The following MGAT4C variants were observed in gnomAD, a reference collection of about 807,000 sequenced individuals.
MGAT4C encodes the protein MGAT4 family member C, also known as alpha-1,3-mannosyl-glycoprotein 4-beta-N-acetylglucosaminyltransferase C.
Under a neutral mutation model 40.1 loss-of-function variants are expected in MGAT4C, and 19 were observed. The ratio of observed to expected loss-of-function variants is 0.47; its 90% CI spans 0.33 to 0.70. MGAT4C has a LOEUF of 0.70. MGAT4C is among the 30% of genes least tolerant of loss of function. The probability of loss-of-function intolerance (pLI) is 0.02; values close to 1 mark genes in which losing one functional copy is unlikely to be tolerated. For missense variants in MGAT4C, 491 were observed against 563.2 expected (o/e 0.87, Z 1.30); for synonymous variants, 181 against 187.1 (o/e 0.97, Z 0.27).
chr12:86,181,634 C>T (rs1888134489), intron 1 of MGAT4C, among the ~76,000 whole-genome samples: 1 of 152,092 alleles, frequency 6.6e-6, no homozygotes, highest in South Asian at 2.1e-4. Context: ...CTATCATGAA[C>T]TTCCATTATG....
At chr12:86,619,458 C>T (rs190237762) in intron 2 of MGAT4C, among the ~76,000 whole-genome samples, 3 of 152,162 alleles carry the variant, frequency 2.0e-5, no homozygotes, top group Admixed American at 2.0e-4. Flanking sequence ...AATTCTGATT[C>T]TCTCCCTCTT....
chr12:86,338,068 T>C (rs768014425), intron 3 of MGAT4C, among the ~76,000 whole-genome samples: 2 of 152,136 alleles, frequency 1.3e-5, no homozygotes, highest in Non-Finnish European at 2.9e-5. Flanking sequence ...GACAGGGGAA[T>C]TGCAATAAAG....
intron 1 of MGAT4C, among the ~76,000 whole-genome samples, chr12:86,750,103 GAA>G (rs370985297): frequency 3.9e-5 from 6 of 151,954 alleles, no homozygotes; most frequent in African/African-American, 1.2e-4. Context: ...AGATTCTTGA[GAA>G]GAGTCTATTA....
At chr12:86,799,508 T>A (rs1952187865) in intron 1 of MGAT4C, among the ~76,000 whole-genome samples, 1 of 151,854 alleles carries the variant, frequency 6.6e-6, no homozygotes, top group African/African-American at 2.4e-5. Flanking sequence ...AAGCTATCAT[T>A]ATGTCAATTT....
intron 2 of MGAT4C, among the ~76,000 whole-genome samples, chr12:86,610,807 A>T (rs1962229160): frequency 6.7e-6 from 1 of 149,310 alleles, no homozygotes; most frequent in South Asian, 2.2e-4. Flanking sequence ...ATACCTGTAA[A>T]AGTAAATGAG....
chr12:86,838,481 T>C (rs1343790866), intron 1 of MGAT4C, among the ~76,000 whole-genome samples: 5 of 152,168 alleles, frequency 3.3e-5, no homozygotes, highest in Non-Finnish European at 7.3e-5. Context: ...TCAAACTATA[T>C]TCTACTAATC....
chr12:86,281,286 G>A (rs1190513606), intron 4 of MGAT4C, among the ~76,000 whole-genome samples: 1 of 151,806 alleles, frequency 6.6e-6, no homozygotes, highest in African/African-American at 2.4e-5. Context: ...AAGCCTCTGT[G>A]CAATTGTTGT....
chr12:86,258,015 A>G (rs1368248689), upstream of MGAT4C, among the ~76,000 whole-genome samples: 8 of 44,532 alleles, frequency 1.8e-4, no homozygotes, highest in Non-Finnish European at 1.9e-4. Flanking sequence ...TTACATAAAT[A>G]TAAGATAATT....
chr12:86,455,504 ATAATT>A (rs1957494223), intron 2 of MGAT4C, among the ~76,000 whole-genome samples: 1 of 152,136 alleles, frequency 6.6e-6, no homozygotes, highest in Non-Finnish European at 1.5e-5. Flanking sequence ...GAAATTAAAA[ATAATT>A]TAAAAAGGAA....
chr12:86,233,847 A>C (rs1056714597), intron 1 of MGAT4C, among the ~76,000 whole-genome samples: 3 of 152,090 alleles, frequency 2.0e-5, no homozygotes, highest in Non-Finnish European at 2.9e-5. Context: ...TCTTCTTATC[A>C]AAATCAGTTA....
chr12:86,471,859 G>A (rs963290046), intron 2 of MGAT4C, among the ~76,000 whole-genome samples: 1 of 151,910 alleles, frequency 6.6e-6, no homozygotes, highest in Non-Finnish European at 1.5e-5. Flanking sequence ...CCATGGAAGT[G>A]GATTTTTCCA....
chr12:86,835,848 C>G (rs982002812), intron 1 of MGAT4C, among the ~76,000 whole-genome samples: 1 of 151,604 alleles, frequency 6.6e-6, no homozygotes, highest in South Asian at 2.1e-4. Context: ...ACAGCCAAAA[C>G]CCCCCTCCAC....
At chr12:86,700,809 T>C (rs1353417362) in intron 2 of MGAT4C, among the ~76,000 whole-genome samples, 1 of 152,124 alleles carries the variant, frequency 6.6e-6, no homozygotes, top group East Asian at 1.9e-4. Flanking sequence ...TAATACTTCA[T>C]GTGATTCGTT....
chr12:86,463,504 T>C (rs1278561514), intron 2 of MGAT4C, among the ~76,000 whole-genome samples: 1 of 152,164 alleles, frequency 6.6e-6, no homozygotes, highest in East Asian at 1.9e-4. Flanking sequence ...CAAAGGATCA[T>C]TCCTAATATC....
intron 2 of MGAT4C, among the ~76,000 whole-genome samples, chr12:86,447,215 T>C (rs944818919): frequency 6.6e-6 from 1 of 152,138 alleles, no homozygotes; most frequent in Non-Finnish European, 1.5e-5. Context: ...AACCTTTGCC[T>C]CCCAGGTTCC....
chr12:86,813,035 G>T (rs1952507372), intron 1 of MGAT4C, among the ~76,000 whole-genome samples: 1 of 151,994 alleles, frequency 6.6e-6, no homozygotes, highest in Non-Finnish European at 1.5e-5. Flanking sequence ...CTTCTGTTTT[G>T]TGGGTATATG....
At chr12:86,689,661 T>C (rs1950139552) in intron 2 of MGAT4C, among the ~76,000 whole-genome samples, 1 of 152,210 alleles carries the variant, frequency 6.6e-6, no homozygotes, top group African/African-American at 2.4e-5. Context: ...ACAGCAAAGA[T>C]CGCTGCCTTC....
At chr12:86,242,369 C>T (rs1343941185) in intron 1 of MGAT4C, among the ~76,000 whole-genome samples, 1 of 152,160 alleles carries the variant, frequency 6.6e-6, no homozygotes, top group African/African-American at 2.4e-5. Context: ...GCCTCAGGTT[C>T]AATCTATCTT....
At chr12:86,642,233 T>C (rs577737085) in intron 2 of MGAT4C, among the ~76,000 whole-genome samples, 25 of 151,932 alleles carry the variant, frequency 1.6e-4, no homozygotes, top group African/African-American at 6.0e-4. Context: ...ATTAGCTAAA[T>C]AATATCTTGG....
Sources: gnomAD v4.1 joint callset for allele counts (sites outside exome capture counted in the v4.1 genomes callset) on GRCh38, gnomAD v4.1.1 for gene constraint, MANE v1.5 for transcripts, NCBI Gene and HGNC (gene_info 2026-07-23, HGNC 2026-07-21) for gene names.